The following INTS9 variants were observed in gnomAD, a reference collection of about 807,000 sequenced individuals.
INTS9 encodes integrator complex subunit 9, also known as protein related to CPSF subunits of 74 kDa.
A neutral mutation model predicts 79.7 loss-of-function variants in INTS9; 55 were observed. The ratio of observed to expected loss-of-function variants is 0.69; its 90% CI spans 0.56 to 0.86. The LOEUF is 0.86. Among genes scored for constraint, INTS9 ranks in the 40% least tolerant of loss-of-function variants. The pLI is 0.00. For missense variants in INTS9, 721 were observed against 831.5 expected (o/e 0.87, Z 1.64); for synonymous variants, 319 against 325.2 (o/e 0.98, Z 0.20).
chr8:28,771,356 C>G (rs997035569), intron 14 of INTS9, among the ~76,000 whole-genome samples: 2 of 152,108 alleles, frequency 1.3e-5, no homozygotes, highest in East Asian at 1.9e-4. Flanking sequence ...AGGGAGCTCT[C>G]TCTTCCTGAA....
chr8:28,887,932 T>C (rs760212761), intron 1 of INTS9, among the ~76,000 whole-genome samples: 2 of 152,206 alleles, frequency 1.3e-5, no homozygotes, highest in Non-Finnish European at 2.9e-5. Flanking sequence ...AACTAAAATA[T>C]ATGTAAAGTA....
At chr8:28,850,366 C>T in intron 2 of INTS9, 93 bp from the exon 3 acceptor site, 1 of 974,692 alleles carries the variant, frequency 1.0e-6, no homozygotes, top group East Asian at 2.5e-5. Context: ...AAGTTAAGAA[C>T]AGTTTAAAAT....
intron 1 of INTS9, among the ~76,000 whole-genome samples, chr8:28,870,445 T>C (rs890798818): frequency 1.4e-5 from 2 of 146,274 alleles, no homozygotes; most frequent in African/African-American, 5.1e-5. Flanking sequence ...TACAAATTGC[T>C]GAAAATGTGC....
At chr8:28,861,481 A>G (rs1232006628) in intron 1 of INTS9, among the ~76,000 whole-genome samples, 3 of 152,244 alleles carry the variant, frequency 2.0e-5, no homozygotes, top group African/African-American at 4.8e-5. Context: ...AGAAAATAAA[A>G]TGAAATGTGT....
chr8:28,781,277 C>T (rs757545842), intron 11 of INTS9, among the ~76,000 whole-genome samples: 10 of 151,958 alleles, frequency 6.6e-5, no homozygotes, highest in African/African-American at 7.3e-5. Context: ...AATGAGCATA[C>T]GAAAAAATGC....
chr8:28,884,650 A>G (rs13276124), intron 1 of INTS9, among the ~76,000 whole-genome samples: 1 of 152,214 alleles, frequency 6.6e-6, no homozygotes, highest in Admixed American at 6.5e-5. Context: ...AGTTTGAGGA[A>G]ATCATGAAGG....
In INTS9 at chr8:28,882,434, C is replaced by T. The variant is rs1222234253; in HGVS notation, c.9+7440G>A. On this transcript the variant is annotated intron_variant, in intron 1 of 16. Transcript: ENST00000521022. ...TATGACCCTGCCAAATCCCCCTCTG[C>T]GAGAAACACCCAAGAATGATCAATA... Among the ~76,000 whole-genome samples the T allele has an allele frequency of 1.2e-4, 15 of 129,946 alleles. No individual in the cohort carries two copies. In the East Asian group the frequency reaches 2.3e-3, roughly 20 times the overall value. 85.2% of individuals were successfully genotyped at this position (129,946 alleles called of 152,430 possible). A position where few individuals can be genotyped will look rare whatever the true frequency, so the allele number is the denominator to read the frequency against.
chr8:28,880,303 T>C (rs1809646665), intron 1 of INTS9, among the ~76,000 whole-genome samples: 1 of 142,128 alleles, frequency 7.0e-6, no homozygotes, highest in Non-Finnish European at 1.5e-5. Context: ...CTCCCTCTGA[T>C]GCCGAGCCAA....
intron 1 of INTS9, among the ~76,000 whole-genome samples, chr8:28,870,558 GGT>G (rs1392891764): frequency 6.6e-6 from 1 of 152,034 alleles, no homozygotes; most frequent in Non-Finnish European, 1.5e-5. Flanking sequence ...AGTGTATGTC[GGT>G]TCAGGAGTAA....
chr8:28,824,684 T>A (rs555551975), intron 6 of INTS9, among the ~76,000 whole-genome samples: 1 of 152,284 alleles, frequency 6.6e-6, no homozygotes, highest in South Asian at 2.1e-4. Context: ...TGCTCCTGCA[T>A]CTGTTACCTC....
Position 28,775,788 on chromosome 8 carries a change from G to A in INTS9, c.1534C>T (p.Arg512Trp), listed in dbSNP as rs368126287. Residue 512 changes from arginine (R) to tryptophan (W), a missense_variant, in exon 14 of 17, where the codon CGG becomes TGG. By Grantham distance (101) the Arg-to-Trp change is moderately radical (BLOSUM62 -3). Coordinates refer to ENST00000521022, the MANE Select transcript of INTS9 (RefSeq NM_018250.4). Reference protein sequence around the residue: ...AEVLALPFKRRYEKIEIMPEL... With the variant: ...AEVLALPFKRWYEKIEIMPEL... ...GGCATGATCTCGATCTTCTCGTACC[G>A]ACGTTTGAAGGGCAGGGCGAGAACC... The A allele has an allele frequency of 9.3e-6, 15 of 1,614,022 alleles. No homozygotes were observed. The Admixed American group carries it at 1.3e-4, about 14-fold the overall frequency.
intron 2 of INTS9, among the ~76,000 whole-genome samples, chr8:28,850,953 G>T (rs1276955081): frequency 6.6e-6 from 1 of 152,184 alleles, no homozygotes; most frequent in East Asian, 1.9e-4. Flanking sequence ...AAAATCATTT[G>T]CTACTAGTAA....
chr8:28,771,167 T>TAA (rs1418584648), intron 14 of INTS9, 87 bp from the exon 15 acceptor site: 1 of 967,250 alleles, frequency 1.0e-6, no homozygotes. Flanking sequence ...CACTGCAGTC[T>TAA]AAAAAGATGA....
At chr8:28,842,435 T>C (rs184280009) in intron 4 of INTS9, among the ~76,000 whole-genome samples, 1 of 152,356 alleles carries the variant, frequency 6.6e-6, no homozygotes, top group Admixed American at 6.5e-5. Flanking sequence ...CACAGAAGGA[T>C]CCAAGTTGTG....
intron 9 of INTS9, among the ~76,000 whole-genome samples, chr8:28,795,156 G>C (rs1019439200): frequency 6.6e-6 from 1 of 152,132 alleles, no homozygotes; most frequent in African/African-American, 2.4e-5. Context: ...AAAGTTGCTG[G>C]AGCTGAAGGT....
chr8:28,883,185 G>T (rs906123746), intron 1 of INTS9, among the ~76,000 whole-genome samples: 5 of 152,160 alleles, frequency 3.3e-5, no homozygotes, highest in African/African-American at 1.2e-4. Flanking sequence ...TCTCCAATCT[G>T]TCTGATCTCA....
intron 1 of INTS9, among the ~76,000 whole-genome samples, chr8:28,881,484 G>A (rs1585534630): frequency 1.0e-5 from 1 of 96,634 alleles, no homozygotes; most frequent in Non-Finnish European, 2.1e-5. Context: ...GGAGGGGGGG[G>A]TCAGCCCCCC....
intron 1 of INTS9, chr8:28,862,062 G>C: frequency 1.0e-6 from 1 of 985,382 alleles, no homozygotes; most frequent in South Asian, 4.7e-5. Context: ...GAGTGCACGG[G>C]AGCACAGAGT....
At chr8:28,828,643 G>A (rs1054901576) in intron 6 of INTS9, among the ~76,000 whole-genome samples, 2 of 151,862 alleles carry the variant, frequency 1.3e-5, no homozygotes, top group Non-Finnish European at 2.9e-5. Context: ...ATTCCTGTAT[G>A]CATACCCAAG....
Sources: allele counts gnomAD v4.1 joint callset (sites outside exome capture counted in the v4.1 genomes callset), GRCh38; gene constraint gnomAD v4.1.1; transcripts MANE v1.5; gene names NCBI Gene and HGNC (gene_info 2026-07-23, HGNC 2026-07-21).